Variants in FLNB observed in about 807,000 individuals in gnomAD.
FLNB encodes filamin-B.
FLNB carries 111 observed loss-of-function variants against 250.6 expected under a neutral mutation model. That is an observed-to-expected ratio of 0.44 (90% confidence interval 0.38 to 0.52). FLNB has a LOEUF of 0.52. Ranked by LOEUF, FLNB falls within the 20% of genes least tolerant of loss-of-function variation. FLNB has a pLI of 0.00. For missense variants in FLNB, 2,869 were observed against 3,447.8 expected, an observed-to-expected ratio of 0.83 and a Z score of 4.20; for synonymous variants, 1,302 against 1,372.1, an observed-to-expected ratio of 0.95 and a Z score of 1.13.
At chr3:58,143,732 C>A in intron 32 of FLNB, 119 bp downstream of exon 32, 2 of 1,227,622 alleles carry the variant, frequency 1.6e-6, no homozygotes, top group South Asian at 2.5e-5. Flanking sequence ...GAGAATGCAG[C>A]GTTGGTACCC....
At chr3:58,128,325 A>T (rs549162135) in intron 24 of FLNB, among the ~76,000 whole-genome samples, 2 of 152,316 alleles carry the variant, frequency 1.3e-5, no homozygotes, top group East Asian at 3.9e-4. Flanking sequence ...TTCTACTCAG[A>T]TACTCATTTA....
At chr3:58,146,744 T>C (rs775666588) in intron 33 of FLNB, 76 bp from the exon 34 acceptor site, 1 of 1,506,438 alleles carries the variant, frequency 6.6e-7, no homozygotes, top group Admixed American at 1.7e-5. Context: ...CTGCCCTGGA[T>C]GAGTTGTTAA....
intron 41 of FLNB, among the ~76,000 whole-genome samples, chr3:58,156,922 C>T (rs1000422868): frequency 2.6e-5 from 4 of 152,134 alleles, no homozygotes; most frequent in Admixed American, 6.6e-5. Context: ...GTCTCAAACT[C>T]CTGACCTGAG....
In FLNB at chr3:58,042,792, C is replaced by G. The variant is rs17058763; in HGVS notation, c.292+33936C>G. 2.6e-5 allele frequency among the ~76,000 whole-genome samples: 4 copies of G among 152,140 alleles called. No homozygotes were observed. In the East Asian group the frequency reaches 7.7e-4, roughly 29 times the overall value. On this transcript the variant is annotated intron_variant, in intron 1 of 45. Coordinates refer to ENST00000295956, the MANE Select transcript of FLNB (RefSeq NM_001457.4). ...CCTTTGCCTCCAGCCATGAGCCGTT[C>G]GTTGCGCCTGGGCTAGTCATTATAG...
chr3:58,111,664 G>A (rs1317498743), intron 16 of FLNB, 127 bp from the exon 17 acceptor site: 7 of 721,572 alleles, frequency 9.7e-6, no homozygotes, highest in Non-Finnish European at 1.8e-5. Context: ...GTTTACCTGT[G>A]GTAATAGAAG....
intron 1 of FLNB, among the ~76,000 whole-genome samples, chr3:58,072,401 C>T (rs1299074829): frequency 6.6e-6 from 1 of 152,190 alleles, no homozygotes; most frequent in African/African-American, 2.4e-5. Flanking sequence ...GCTTCCGGCT[C>T]ATCTGGCCTT....
At chr3:58,134,347 CT>C (rs1392657098) in intron 26 of FLNB, among the ~76,000 whole-genome samples, 1 of 152,186 alleles carries the variant, frequency 6.6e-6, no homozygotes, top group Non-Finnish European at 1.5e-5. Context: ...ACCAGGCCCC[CT>C]GGTCTTCTAC....
chr3:58,168,420 T>C lies in FLNB; in HGVS notation c.7199-20T>C. On this transcript the variant is annotated intron_variant, in intron 43 of 45. Coordinates refer to ENST00000295956, the MANE Select transcript of FLNB (RefSeq NM_001457.4). ...GCCCTCCAAGTCATCAACACAGCAT[T>C]TTCTATTCCTTTCTCCCAGGTATCC... 2 of 1,597,100 alleles carry C rather than the reference T, an allele frequency of 1.3e-6. No homozygotes were observed. The highest frequency in any genetic ancestry group is 1.1e-5 in the South Asian group (1 of 90,550).
chr3:58,162,865 C>T (rs2097364013), intron 42 of FLNB: 1 of 413,596 alleles, frequency 2.4e-6, no homozygotes, highest in African/African-American at 2.0e-5. Flanking sequence ...GAATTTCACA[C>T]TGAAGAAGTG....
chr3:58,049,823 G>A (rs552383585), intron 1 of FLNB, among the ~76,000 whole-genome samples: 1 of 152,240 alleles, frequency 6.6e-6, no homozygotes, highest in South Asian at 2.1e-4. Flanking sequence ...AGGGGTGGCT[G>A]ATGTGGAAAC....
At chr3:58,141,664 G>A (rs1212261086) in intron 29 of FLNB, among the ~76,000 whole-genome samples, 194 bp from the exon 30 acceptor site, 3 of 152,170 alleles carry the variant, frequency 2.0e-5, no homozygotes, top group Non-Finnish European at 4.4e-5. Context: ...GGCTCACAGG[G>A]CATGCGCATC....
At chr3:58,039,389 G>C (rs1459332213) in intron 1 of FLNB, among the ~76,000 whole-genome samples, 6 of 151,536 alleles carry the variant, frequency 4.0e-5, no homozygotes, top group African/African-American at 4.8e-5. Context: ...TTGGTTCTCT[G>C]TTCACTACAA....
intron 1 of FLNB, among the ~76,000 whole-genome samples, chr3:58,032,674 G>A (rs1053806553): frequency 6.6e-6 from 1 of 152,214 alleles, no homozygotes; most frequent in African/African-American, 2.4e-5. Context: ...CCAAATTCAA[G>A]CAGGTCCATT....
chr3:58,103,028 C>T (rs150192745), intron 9 of FLNB, among the ~76,000 whole-genome samples: 102 of 152,260 alleles, frequency 6.7e-4, no homozygotes, highest in African/African-American at 2.0e-3. Flanking sequence ...TGGTTTTACT[C>T]CCATGCCTGT....
intron 36 of FLNB, chr3:58,149,198 T>C: frequency 2.7e-6 from 1 of 363,878 alleles, no homozygotes; most frequent in Non-Finnish European, 5.3e-6. Flanking sequence ...GTTGGGTTGA[T>C]TGGCCAAGAC....
chr3:58,050,433 T>C (rs2097160578), intron 1 of FLNB, among the ~76,000 whole-genome samples: 1 of 152,230 alleles, frequency 6.6e-6, no homozygotes, highest in Admixed American at 6.5e-5. Flanking sequence ...TACAGCCATT[T>C]AATTTTATTT....
At chr3:58,135,237 A>G (rs2097314040) in intron 27 of FLNB, among the ~76,000 whole-genome samples, 1 of 152,228 alleles carries the variant, frequency 6.6e-6, no homozygotes, top group Non-Finnish European at 1.5e-5. Context: ...AGTAAACCTT[A>G]AAATAAGAGT....
chr3:58,128,871 T>C (rs1185557171), intron 24 of FLNB, among the ~76,000 whole-genome samples: 1 of 152,172 alleles, frequency 6.6e-6, no homozygotes, highest in Non-Finnish European at 1.5e-5. Context: ...CCATCAGGTG[T>C]GGATGGTGCC....
chr3:58,154,594 G>A, intron 39 of FLNB, 197 bp from the exon 40 acceptor site: 1 of 575,506 alleles, frequency 1.7e-6, no homozygotes, highest in Admixed American at 3.0e-5. Context: ...GATGTCCTGT[G>A]AATTTAGTTA....
Sources: allele counts gnomAD v4.1 joint callset (sites outside exome capture counted in the v4.1 genomes callset), GRCh38; gene constraint gnomAD v4.1.1; transcripts MANE v1.5; gene names NCBI Gene and HGNC (gene_info 2026-07-23, HGNC 2026-07-21).